ZNF331: variants seen among roughly 807,000 people sequenced by gnomAD.
ZNF331 encodes zinc finger protein 331.
Under a neutral mutation model 7.0 loss-of-function variants are expected in ZNF331, and 2 were observed. The observed-to-expected ratio is 0.29, with a 90% CI of 0.12 to 0.90. ZNF331 has a LOEUF of 0.90. Among genes scored for constraint, ZNF331 ranks in the 40% least tolerant of loss-of-function variants. The probability of loss-of-function intolerance (pLI) is 0.58; values close to 1 mark genes in which losing one functional copy is unlikely to be tolerated. For synonymous variants in ZNF331, 196 were observed against 205.4 expected, an observed-to-expected ratio of 0.95 and a Z score of 0.39; for missense variants, 432 against 587.7, an observed-to-expected ratio of 0.74 and a Z score of 2.74.
chr19:53,514,812 G>C (rs28400276), upstream of ZNF331, among the ~76,000 whole-genome samples: 1 of 151,744 alleles, frequency 6.6e-6, no homozygotes. Flanking sequence ...CACCACGCCC[G>C]GCTAATTTTT....
At chr19:53,544,253 C>T (rs1196201442) in intron 2 of ZNF331, among the ~76,000 whole-genome samples, 1 of 141,030 alleles carries the variant, frequency 7.1e-6, no homozygotes, top group Non-Finnish European at 1.5e-5. Context: ...CAATAAGAAT[C>T]GATATTATTA....
intron 2 of ZNF331, among the ~76,000 whole-genome samples, chr19:53,547,180 A>T (rs1210300656): frequency 6.6e-6 from 1 of 152,038 alleles, no homozygotes; most frequent in Non-Finnish European, 1.5e-5. Context: ...TTCCCACTTT[A>T]TCTCCTTTAA....
intron 2 of ZNF331, among the ~76,000 whole-genome samples, chr19:53,554,070 T>G (rs755689624): frequency 2.6e-5 from 4 of 152,148 alleles, no homozygotes; most frequent in Non-Finnish European, 5.9e-5. Context: ...TCCCCAGACA[T>G]CGCCCTCCTC....
chr19:53,508,640 A>T, the ZNF331 span, among the ~76,000 whole-genome samples: 17 of 152,182 alleles, frequency 1.1e-4, no homozygotes, highest in South Asian at 2.3e-3. Context: ...GGGGGTTATG[A>T]ATCTATTTCC....
intron 2 of ZNF331, among the ~76,000 whole-genome samples, chr19:53,543,497 C>T (rs1420004065): frequency 6.6e-6 from 1 of 151,724 alleles, no homozygotes; most frequent in East Asian, 2.0e-4. Flanking sequence ...CTCCTGACCT[C>T]GTGATCCGAT....
chr19:53,540,405 T>C (rs1458849426), intron 2 of ZNF331, among the ~76,000 whole-genome samples: 1 of 152,094 alleles, frequency 6.6e-6, no homozygotes, highest in East Asian at 1.9e-4. Flanking sequence ...CTAGGAGGTG[T>C]GTGTGCTTGG....
intron 3 of ZNF331, among the ~76,000 whole-genome samples, chr19:53,565,637 G>A (rs909991422): frequency 2.0e-5 from 3 of 151,746 alleles, no homozygotes; most frequent in African/African-American, 7.3e-5. Flanking sequence ...AGCAATTCTT[G>A]TGCCTCAGCT....
intron 3 of ZNF331, among the ~76,000 whole-genome samples, chr19:53,564,712 C>G (rs567638912): frequency 4.6e-5 from 7 of 152,242 alleles, no homozygotes; most frequent in Admixed American, 2.6e-4. Flanking sequence ...TATGTGTTCT[C>G]TACTATGAGA....
At chr19:53,510,444 T>C in the ZNF331 span, among the ~76,000 whole-genome samples, 1 of 151,970 alleles carries the variant, frequency 6.6e-6, no homozygotes, top group Non-Finnish European at 1.5e-5. Flanking sequence ...TTTTTTTTTT[T>C]TTTTTGCCAT....
chr19:53,536,891 G>A (rs113489878), upstream of ZNF331, among the ~76,000 whole-genome samples: 14,600 of 152,170 alleles, frequency 0.096, 836 homozygotes, highest in East Asian at 0.18. Flanking sequence ...CAACAAGAGC[G>A]AAACTCCGTC....
chr19:53,542,264 T>C (rs1383379684), intron 2 of ZNF331, among the ~76,000 whole-genome samples: 1 of 152,182 alleles, frequency 6.6e-6, no homozygotes, highest in Non-Finnish European at 1.5e-5. Flanking sequence ...ATTTCTACCT[T>C]GTAGGATTAG....
rs901114208 is a variant in ZNF331, at chr19:53,573,969, C to T, written c.136+2239C>T. Among the ~76,000 whole-genome samples the T allele has an allele frequency of 6.6e-5, 10 of 151,894 alleles. No individual in the cohort carries two copies. The highest frequency in any genetic ancestry group is 8.8e-5 in the Non-Finnish European group (6 of 67,968). On this transcript the variant is annotated intron_variant, in intron 5 of 5. Coordinates refer to ENST00000449416, the MANE Select transcript of ZNF331 (RefSeq NM_001079906.2). The surrounding 1 kb of genome is among the most constrained non-coding windows in gnomAD (Gnocchi z 4.2). Reference sequence around the variant, plus strand: ...CTCTACTAAAAACACAAAAATTAGCCGGTGTGCTGGTGTGCGCCTGTAATC... The same window carrying T: ...CTCTACTAAAAACACAAAAATTAGCTGGTGTGCTGGTGTGCGCCTGTAATC...
upstream of ZNF331, among the ~76,000 whole-genome samples, chr19:53,514,570 A>G (rs978859195): frequency 6.6e-6 from 1 of 152,048 alleles, no homozygotes; most frequent in Non-Finnish European, 1.5e-5. Context: ...TAGGCCTTCA[A>G]TGACGTCCAA....
chr19:53,517,141 T>C (rs536665966), upstream of ZNF331, among the ~76,000 whole-genome samples: 1 of 152,180 alleles, frequency 6.6e-6, no homozygotes, highest in African/African-American at 2.4e-5. Context: ...CAGAGCTCTG[T>C]AAAACCACTA....
intron 3 of ZNF331, among the ~76,000 whole-genome samples, chr19:53,565,988 G>C (rs373488293): frequency 2.6e-3 from 391 of 152,214 alleles, no homozygotes; most frequent in Non-Finnish European, 4.4e-3. Flanking sequence ...TCAAGATCAC[G>C]GGGTGTGTCA....
rs1444789317 is a variant in ZNF331 at position 53,576,747 on chromosome 19, C to T, written c.187C>T (p.His63Tyr). 2 of 1,611,992 alleles carry T rather than the reference C, an allele frequency of 1.2e-6. No individual in the cohort carries two copies. The highest frequency in any genetic ancestry group is 1.7e-6 in the Non-Finnish European group (2 of 1,179,478). The change falls in exon 6 of 6, where the codon CAT becomes TAT. Residue 63 changes from histidine (H) to tyrosine (Y), a missense_variant. By Grantham distance (83) the His-to-Tyr change is moderately conservative (BLOSUM62 2). Transcript: ENST00000449416. ...NKSLPTEKNIHEIRASKRNSD... is the reference protein window; with the variant it reads ...NKSLPTEKNIYEIRASKRNSD... ...GAGTTTACCTACAGAAAAAAACATTCATGAAATAAGGGCTTCCAAAAGGAA... is the reference window on the plus strand; with the variant it reads ...GAGTTTACCTACAGAAAAAAACATTTATGAAATAAGGGCTTCCAAAAGGAA...
the ZNF331 span, among the ~76,000 whole-genome samples, chr19:53,507,970 C>A: frequency 6.6e-6 from 1 of 152,168 alleles, no homozygotes; most frequent in African/African-American, 2.4e-5. Flanking sequence ...TTGGCCACTG[C>A]CCACATTCTA....
Position 53,577,142 on chromosome 19 carries a change from G to A in ZNF331, c.582G>A (p.Lys194=). ...CCTACGAATGTAAAGACTGTGGGAA[G>A]GCTTTTCGATGGGGCTCAAGCCTCG... ...EKPYECKDCG[K]AFRWGSSLVI... The change falls in exon 6 of 6, where the codon AAG becomes AAA. Residue 194 remains lysine (K), a synonymous_variant. Transcript: ENST00000449416. 1 of 1,614,202 alleles carries A rather than the reference G, an allele frequency of 6.2e-7. No homozygotes were observed. The highest frequency in any genetic ancestry group is 1.1e-5 in the South Asian group (1 of 91,080).
rs2090436888 is a variant in ZNF331, at chr19:53,571,359, A to G, written c.10-245A>G. ...TGGATTGTTTTATCCACTTCCTGGC[A>G]GGTTTGACTAACTGAGGATTCTGCA... On this transcript the variant is annotated intron_variant, in intron 4 of 5. Transcript: ENST00000449416. This position sits in a 1 kb window ranked among gnomAD's most constrained non-coding sequence, Gnocchi z 4.7. Among the ~76,000 whole-genome samples the G allele has an allele frequency of 6.6e-6, 1 of 152,192 alleles. No homozygotes were observed. The highest frequency in any genetic ancestry group is 1.5e-5 in the Non-Finnish European group (1 of 68,038).
Sources: allele counts gnomAD v4.1 joint callset (sites outside exome capture counted in the v4.1 genomes callset), GRCh38; gene constraint gnomAD v4.1.1; non-coding constraint Gnocchi (gnomAD v3.1); transcripts MANE v1.5; gene names NCBI Gene and HGNC (gene_info 2026-07-23, HGNC 2026-07-21).